Variants in DCDC1 observed in about 807,000 individuals in gnomAD.
DCDC1 encodes the protein doublecortin domain containing 1.
DCDC1 carries 200 observed loss-of-function variants against 178.3 expected under a neutral mutation model. The ratio of observed to expected loss-of-function variants is 1.12; its 90% CI spans 1.00 to 1.26. DCDC1 has a LOEUF of 1.26. Ranked by LOEUF, DCDC1 falls within the 50% of genes most tolerant of loss-of-function variation. The probability of loss-of-function intolerance (pLI) is 0.00; values close to 1 mark genes in which losing one functional copy is unlikely to be tolerated. For missense variants in DCDC1, 1,983 were observed against 1,749.2 expected, an observed-to-expected ratio of 1.13 and a Z score of -2.38; for synonymous variants, 690 against 604.8, an observed-to-expected ratio of 1.14 and a Z score of -2.07.
intron 9 of DCDC1, among the ~76,000 whole-genome samples, chr11:31,200,957 A>AG (rs1429490355): frequency 6.6e-6 from 1 of 151,778 alleles, no homozygotes; most frequent in African/African-American, 2.4e-5. Context: ...AAAAAAAAAA[A>AG]CAAAAAATCT....
intron 20 of DCDC1, among the ~76,000 whole-genome samples, chr11:31,000,072 G>T (rs1221385955): frequency 6.6e-6 from 1 of 152,090 alleles, no homozygotes; most frequent in Non-Finnish European, 1.5e-5. Context: ...TCAGTTGCAA[G>T]GGAAACACCA....
intron 11 of DCDC1, among the ~76,000 whole-genome samples, chr11:31,120,059 C>A (rs1420085303): frequency 2.6e-5 from 4 of 152,120 alleles, no homozygotes; most frequent in Admixed American, 2.6e-4. Context: ...CTGGACTATT[C>A]ATTTAAAATC....
chr11:31,055,036 CAGAGT>C (rs1435435778), intron 20 of DCDC1, among the ~76,000 whole-genome samples: 1 of 152,086 alleles, frequency 6.6e-6, no homozygotes, highest in African/African-American at 2.4e-5. Flanking sequence ...GAACAGTCAG[CAGAGT>C]AAACAGACAA....
At chr11:30,971,058 C>A (rs1250195404) in intron 20 of DCDC1, among the ~76,000 whole-genome samples, 2 of 152,172 alleles carry the variant, frequency 1.3e-5, no homozygotes, top group Non-Finnish European at 2.9e-5. Flanking sequence ...CCATCCCCAG[C>A]AAAATTTCAC....
intron 18 of DCDC1, among the ~76,000 whole-genome samples, chr11:31,073,665 T>C (rs1353605884): frequency 6.6e-6 from 1 of 152,208 alleles, no homozygotes; most frequent in Non-Finnish European, 1.5e-5. Context: ...GTAAAGATTA[T>C]AAATGGCATG....
intron 9 of DCDC1, among the ~76,000 whole-genome samples, chr11:31,166,191 A>G (rs938898963): frequency 6.6e-6 from 1 of 152,174 alleles, no homozygotes; most frequent in African/African-American, 2.4e-5. Context: ...GCACTGTTCT[A>G]TATTATTAGC....
intron 9 of DCDC1, among the ~76,000 whole-genome samples, chr11:31,230,294 G>C (rs1327340903): frequency 6.6e-6 from 1 of 151,422 alleles, no homozygotes; most frequent in African/African-American, 2.4e-5. Flanking sequence ...GGGTAAATGG[G>C]TGAATGTAAT....
chr11:31,221,123 C>T (rs1408646235), intron 9 of DCDC1, among the ~76,000 whole-genome samples: 1 of 152,138 alleles, frequency 6.6e-6, no homozygotes, highest in East Asian at 1.9e-4. Context: ...AATTCATGTC[C>T]TTCTTGCATG....
At position 31,223,282 on chromosome 11, in the gene DCDC1, A is replaced by C. The variant is rs1437213250; in HGVS notation, c.1221+18168T>G. Among the ~76,000 whole-genome samples, 4 of 152,184 alleles carry C rather than the reference A, an allele frequency of 2.6e-5. No individual in the cohort carries two copies. The East Asian group carries it at 7.7e-4, about 29-fold the overall frequency. On this transcript the variant is annotated intron_variant, in intron 9 of 38. Transcript: ENST00000684477. Reference sequence around the variant, plus strand: ...TTGATCTCTTTAGCATTGCTCAGACATATCATTAACTATTATTTGATAAAT... The same window carrying C: ...TTGATCTCTTTAGCATTGCTCAGACCTATCATTAACTATTATTTGATAAAT...
chr11:30,945,847 C>T (rs891301199), intron 21 of DCDC1, among the ~76,000 whole-genome samples: 4 of 152,004 alleles, frequency 2.6e-5, no homozygotes, highest in Non-Finnish European at 5.9e-5. Context: ...AAAGTATCTT[C>T]TTGTGAGGCA....
chr11:31,056,031 G>C (rs961173157), intron 20 of DCDC1, among the ~76,000 whole-genome samples: 2 of 152,076 alleles, frequency 1.3e-5, no homozygotes, highest in African/African-American at 4.8e-5. Flanking sequence ...AATACGTATA[G>C]AACTAAAACA....
intron 20 of DCDC1, among the ~76,000 whole-genome samples, chr11:30,974,082 G>A (rs1949966144): frequency 1.3e-5 from 2 of 151,994 alleles, no homozygotes; most frequent in South Asian, 2.1e-4. Context: ...ATAATAACAA[G>A]AGGAACTTTT....
At chr11:31,130,387 TTAGCAGAA>T (rs1962274199) in intron 10 of DCDC1, among the ~76,000 whole-genome samples, 1 of 152,186 alleles carries the variant, frequency 6.6e-6, no homozygotes, top group African/African-American at 2.4e-5. Flanking sequence ...ATGCCACTTC[TTAGCAGAA>T]GCTTTAAGAA....
chr11:31,049,444 G>T (rs1168699587), intron 20 of DCDC1, among the ~76,000 whole-genome samples: 2 of 152,160 alleles, frequency 1.3e-5, no homozygotes, highest in Admixed American at 1.3e-4. Flanking sequence ...TTCAGAGACT[G>T]AACAAATACA....
At chr11:31,156,638 T>C (rs1276750436) in intron 9 of DCDC1, among the ~76,000 whole-genome samples, 1 of 152,204 alleles carries the variant, frequency 6.6e-6, no homozygotes, top group Non-Finnish European at 1.5e-5. Flanking sequence ...AGTGTGAATT[T>C]TACATTTGCA....
At chr11:31,176,150 A>G (rs1967984482) in intron 9 of DCDC1, among the ~76,000 whole-genome samples, 1 of 152,216 alleles carries the variant, frequency 6.6e-6, no homozygotes, top group Admixed American at 6.5e-5. Context: ...ATTCAATAAC[A>G]TTACAAAACA....
chr11:31,062,059 T>A (rs1955952088), intron 20 of DCDC1, among the ~76,000 whole-genome samples: 1 of 151,824 alleles, frequency 6.6e-6, no homozygotes, highest in South Asian at 2.1e-4. Flanking sequence ...ATGGGAAGGG[T>A]GAAATAGGCA....
chr11:31,256,790 C>T (rs1312585064), intron 8 of DCDC1, among the ~76,000 whole-genome samples: 1 of 152,104 alleles, frequency 6.6e-6, no homozygotes, highest in Non-Finnish European at 1.5e-5. Context: ...GCAAAGACTA[C>T]ACAGAATTTG....
intron 9 of DCDC1, among the ~76,000 whole-genome samples, chr11:31,156,753 G>C (rs1302108971): frequency 2.0e-5 from 3 of 152,160 alleles, no homozygotes; most frequent in Non-Finnish European, 4.4e-5. Context: ...TAAAATCTGT[G>C]TTCCACTGAA....
Sources: gnomAD v4.1 joint callset for allele counts (sites outside exome capture counted in the v4.1 genomes callset) on GRCh38, gnomAD v4.1.1 for gene constraint, MANE v1.5 for transcripts, NCBI Gene and HGNC (gene_info 2026-07-23, HGNC 2026-07-21) for gene names.